The following FAAH2 variants were observed in gnomAD, a reference collection of about 807,000 sequenced individuals.
The protein encoded by FAAH2 is fatty-acid amide hydrolase 2.
FAAH2 carries 60 observed loss-of-function variants against 36.9 expected under a neutral mutation model. The ratio of observed to expected loss-of-function variants is 1.63; its 90% CI spans 1.32 to 2.02. The LOEUF is 2.02. FAAH2 is among the 30% of genes most tolerant of loss of function. FAAH2 has a pLI of 0.00. For synonymous variants in FAAH2, 214 were observed against 143.8 expected (o/e 1.49, Z -3.49); for missense variants, 689 against 397.5 (o/e 1.73, Z -6.23).
chrX:57,439,906 G>A (rs1180002881), intron 8 of FAAH2, among the ~76,000 whole-genome samples: 3 of 111,492 alleles, frequency 2.7e-5, no homozygotes, highest in Non-Finnish European at 3.8e-5. Context: ...AAGATCAGAT[G>A]GTTGTAGATA....
chrX:57,362,458 A>T (rs2054308839), intron 5 of FAAH2, among the ~76,000 whole-genome samples: 1 of 111,397 alleles, frequency 9.0e-6, no homozygotes, highest in East Asian at 2.8e-4. Flanking sequence ...CTATGTAACA[A>T]ACCTGCATGT....
intron 5 of FAAH2, among the ~76,000 whole-genome samples, chrX:57,359,896 C>A (rs960505825): frequency 1.0e-4 from 11 of 110,320 alleles, no homozygotes; most frequent in African/African-American, 3.6e-4. Flanking sequence ...TTATGTTTAT[C>A]TTGGAAGGTC....
chrX:57,244,179 G>T, the FAAH2 span, among the ~76,000 whole-genome samples: 1 of 108,818 alleles, frequency 9.2e-6, no homozygotes, highest in Non-Finnish European at 1.9e-5. Flanking sequence ...AATAAAGCGT[G>T]AAGACAAGAT....
At chrX:57,401,162 G>T (rs951762267) in intron 7 of FAAH2, among the ~76,000 whole-genome samples, 23 of 111,220 alleles carry the variant, frequency 2.1e-4, no homozygotes, top group African/African-American at 7.5e-4. Context: ...AGACCACTTG[G>T]GTGGCTTGAT....
chrX:57,332,678 T>A (rs1002609594), intron 4 of FAAH2, among the ~76,000 whole-genome samples: 1 of 111,074 alleles, frequency 9.0e-6, no homozygotes, highest in Admixed American at 9.6e-5. Flanking sequence ...GGGGGGATCT[T>A]AGGGGCCCCA....
At chrX:57,255,878 C>T in the FAAH2 span, among the ~76,000 whole-genome samples, 3 of 111,662 alleles carry the variant, frequency 2.7e-5, no homozygotes, top group Non-Finnish European at 3.8e-5. Flanking sequence ...GAAAAGGATG[C>T]CCTCTCTCAC....
chrX:57,233,473 A>G, the FAAH2 span, among the ~76,000 whole-genome samples: 3 of 111,258 alleles, frequency 2.7e-5, no homozygotes, highest in Admixed American at 2.9e-4. Flanking sequence ...ATTGTAAAGG[A>G]AGGCTTAATA....
the FAAH2 span, among the ~76,000 whole-genome samples, chrX:57,164,572 C>T: frequency 3.6e-5 from 4 of 111,766 alleles, no homozygotes. Context: ...GGTCCAATTC[C>T]CTGTAAAAGG....
At chrX:57,153,373 G>A in the FAAH2 span, among the ~76,000 whole-genome samples, 1 of 111,993 alleles carries the variant, frequency 8.9e-6, no homozygotes, top group African/African-American at 3.2e-5. Flanking sequence ...TTCAATGTTA[G>A]TATTGAGATG....
At chrX:57,302,356 C>A (rs1233176149) in intron 2 of FAAH2, among the ~76,000 whole-genome samples, 1 of 112,011 alleles carries the variant, frequency 8.9e-6, no homozygotes, top group Non-Finnish European at 1.9e-5. Flanking sequence ...AAAACACTTT[C>A]ATTCATTTAT....
intron 7 of FAAH2, among the ~76,000 whole-genome samples, chrX:57,412,075 A>G (rs1001249320): frequency 6.3e-5 from 7 of 111,649 alleles, no homozygotes; most frequent in Non-Finnish European, 1.3e-4. Context: ...TGGGATATCC[A>G]TTGCCTAAAA....
At chrX:57,254,725 A>G in the FAAH2 span, among the ~76,000 whole-genome samples, 28 of 111,999 alleles carry the variant, frequency 2.5e-4, no homozygotes, top group Non-Finnish European at 5.3e-4. Context: ...TTTGAAACCA[A>G]TGAGAACAAA....
chrX:57,175,700 T>C, the FAAH2 span, among the ~76,000 whole-genome samples: 2 of 111,956 alleles, frequency 1.8e-5, no homozygotes, highest in South Asian at 7.5e-4. Flanking sequence ...TCTATTCTGG[T>C]CTATATTGAA....
chrX:57,391,696 T>C (rs2055170121), intron 7 of FAAH2, among the ~76,000 whole-genome samples: 1 of 111,657 alleles, frequency 9.0e-6, no homozygotes, highest in Non-Finnish European at 1.9e-5. Context: ...TCCATTTTTT[T>C]ACCATTACCA....
the FAAH2 span, among the ~76,000 whole-genome samples, chrX:57,278,820 T>C: frequency 1.8e-5 from 2 of 111,750 alleles, no homozygotes; most frequent in Non-Finnish European, 3.8e-5. Context: ...TTCTCAAAAG[T>C]AGACATTTAT....
At chrX:57,484,293 T>C (rs1178138949) in intron 10 of FAAH2, among the ~76,000 whole-genome samples, 1 of 111,055 alleles carries the variant, frequency 9.0e-6, no homozygotes, top group African/African-American at 3.3e-5. Flanking sequence ...ACACACCTGA[T>C]CTGATTTGGA....
intron 10 of FAAH2, among the ~76,000 whole-genome samples, chrX:57,460,333 A>T (rs1026947048): frequency 1.8e-5 from 2 of 111,175 alleles, no homozygotes; most frequent in Non-Finnish European, 3.8e-5. Flanking sequence ...CCTCAAGAAG[A>T]GCAACCCCAA....
intron 7 of FAAH2, among the ~76,000 whole-genome samples, chrX:57,401,300 G>A (rs1353892846): frequency 9.0e-6 from 1 of 111,214 alleles, no homozygotes; most frequent in Non-Finnish European, 1.9e-5. Context: ...GGCTATCTCT[G>A]AACCCTTGAG....
At chrX:57,333,372 A>T (rs1265751859) in intron 4 of FAAH2, among the ~76,000 whole-genome samples, 6 of 111,934 alleles carry the variant, frequency 5.4e-5, no homozygotes, top group Non-Finnish European at 1.1e-4. Context: ...CAACAAAACA[A>T]TTATAAGGCA....
Sources: gnomAD v4.1 joint callset for allele counts (sites outside exome capture counted in the v4.1 genomes callset) on GRCh38, gnomAD v4.1.1 for gene constraint, MANE v1.5 for transcripts, NCBI Gene and HGNC (gene_info 2026-07-23, HGNC 2026-07-21) for gene names.